Variants in XKR6 observed in about 807,000 individuals in gnomAD.
XKR6 encodes XK-related protein 6.
Under a neutral mutation model 56.7 loss-of-function variants are expected in XKR6, and 22 were observed. That is an observed-to-expected ratio of 0.39 (90% CI 0.28 to 0.55). The LOEUF (loss-of-function observed/expected upper bound fraction) is 0.55. XKR6 is among the 20% of genes least tolerant of loss of function. XKR6 has a pLI of 0.66. For missense variants in XKR6, 852 were observed against 889.0 expected (o/e 0.96, Z 0.53); for synonymous variants, 524 against 387.8 (o/e 1.35, Z -4.13).
intron 1 of XKR6, among the ~76,000 whole-genome samples, chr8:11,173,680 T>A (rs1253078178): frequency 6.6e-6 from 1 of 152,128 alleles, no homozygotes; most frequent in East Asian, 1.9e-4. Context: ...GGAGCAGTTG[T>A]TACTGTGATT....
intron 1 of XKR6, among the ~76,000 whole-genome samples, chr8:11,061,595 GTTCATTCA>G (rs374185850): frequency 6.6e-6 from 1 of 152,006 alleles, no homozygotes; most frequent in Admixed American, 6.6e-5. Context: ...ATGCACATCC[GTTCATTCA>G]TTCATTCATT....
intron 1 of XKR6, among the ~76,000 whole-genome samples, chr8:10,960,918 G>C (rs980908571): frequency 5.3e-5 from 8 of 152,120 alleles, no homozygotes; most frequent in African/African-American, 7.2e-5. Flanking sequence ...CAAACAATAA[G>C]AGCCATGAAT....
chr8:11,151,370 T>A (rs74851993), intron 1 of XKR6, among the ~76,000 whole-genome samples: 8,207 of 152,258 alleles, frequency 0.054, 280 homozygotes, highest in South Asian at 0.11. Flanking sequence ...AATATTTACA[T>A]TTACTTTGGA....
chr8:10,932,074 T>C (rs552366146), intron 1 of XKR6, among the ~76,000 whole-genome samples: 2 of 151,854 alleles, frequency 1.3e-5, no homozygotes, highest in African/African-American at 2.4e-5. Context: ...CAATAGCAAA[T>C]AAACATGGGG....
intron 1 of XKR6, among the ~76,000 whole-genome samples, chr8:11,148,460 T>A (rs767470209): frequency 2.6e-5 from 4 of 152,168 alleles, no homozygotes; most frequent in Non-Finnish European, 5.9e-5. Flanking sequence ...ACTCCAGAAC[T>A]CTGAAGAAAT....
chr8:10,964,323 G>T (rs181673349), intron 1 of XKR6, among the ~76,000 whole-genome samples: 3 of 152,290 alleles, frequency 2.0e-5, no homozygotes, highest in African/African-American at 7.2e-5. Context: ...GCTCAGTTTT[G>T]CAAAATGGAG....
At chr8:10,977,346 C>T (rs745946961) in intron 1 of XKR6, among the ~76,000 whole-genome samples, 19 of 152,084 alleles carry the variant, frequency 1.2e-4, no homozygotes, top group Non-Finnish European at 2.5e-4. Flanking sequence ...CCTCTGGTGG[C>T]CAACTGGAGA....
At chr8:11,085,960 G>C (rs1586524723) in intron 1 of XKR6, among the ~76,000 whole-genome samples, 1 of 152,028 alleles carries the variant, frequency 6.6e-6, no homozygotes, top group Non-Finnish European at 1.5e-5. Flanking sequence ...GATGACTGCT[G>C]TGCTCACTAG....
chr8:11,194,729 C>G (rs1016334801), intron 1 of XKR6: 2 of 173,188 alleles, frequency 1.2e-5, no homozygotes, highest in African/African-American at 4.8e-5. Flanking sequence ...CTGCATAAGC[C>G]TGACTAGGCA....
At chr8:11,010,574 T>A (rs1387785114) in intron 1 of XKR6, among the ~76,000 whole-genome samples, 1 of 152,212 alleles carries the variant, frequency 6.6e-6, no homozygotes, top group Non-Finnish European at 1.5e-5. Flanking sequence ...CATTTGTTTT[T>A]AAAATCCCAA....
chr8:11,067,578 T>G (rs541119089), intron 1 of XKR6, among the ~76,000 whole-genome samples: 2 of 152,354 alleles, frequency 1.3e-5, no homozygotes, highest in Non-Finnish European at 2.9e-5. Flanking sequence ...AGACATTTCT[T>G]GAAAGGTAAA....
intron 1 of XKR6, among the ~76,000 whole-genome samples, chr8:10,970,924 G>T (rs996800236): frequency 6.6e-6 from 1 of 151,630 alleles, no homozygotes; most frequent in African/African-American, 2.4e-5. Context: ...TCTCTCCTAA[G>T]GAGAATCTGA....
chr8:10,990,511 G>A (rs1256642241), intron 1 of XKR6, among the ~76,000 whole-genome samples: 3 of 152,186 alleles, frequency 2.0e-5, no homozygotes, highest in South Asian at 4.1e-4. Context: ...GCCCTGGTGG[G>A]AGCTGTCCAT....
chr8:10,938,068 G>A lies in XKR6; in HGVS notation c.765-13238C>T, dbSNP rs528595778. 3.9e-5 allele frequency among the ~76,000 whole-genome samples: 6 copies of A among 152,310 alleles called. No homozygotes were observed. The South Asian group carries it at 1.2e-3, about 32-fold the overall frequency. On this transcript the variant is annotated intron_variant, in intron 1 of 2. Coordinates refer to ENST00000416569, the MANE Select transcript of XKR6 (RefSeq NM_173683.4). Reference sequence around the variant, plus strand: ...AATCAGCGAGACTCCGTGGGCGTAGGACCCTCCGAGCCAAGTGTGGGATAT... The same window carrying A: ...AATCAGCGAGACTCCGTGGGCGTAGAACCCTCCGAGCCAAGTGTGGGATAT...
chr8:11,029,022 C>T (rs1472596964), intron 1 of XKR6, among the ~76,000 whole-genome samples: 2 of 152,170 alleles, frequency 1.3e-5, no homozygotes, highest in Non-Finnish European at 2.9e-5. Flanking sequence ...GCCTGGAAGT[C>T]ACCCCCACCC....
intron 1 of XKR6, among the ~76,000 whole-genome samples, chr8:11,116,247 G>A (rs1039540213): frequency 7.2e-5 from 11 of 152,140 alleles, no homozygotes; most frequent in Non-Finnish European, 8.8e-5. Context: ...CAGAGAAAAC[G>A]TAACTAATTC....
chr8:11,093,018 T>G (rs1798128801), intron 1 of XKR6, among the ~76,000 whole-genome samples: 3 of 149,670 alleles, frequency 2.0e-5, no homozygotes, highest in Admixed American at 1.3e-4. Flanking sequence ...TTTCTTTCTC[T>G]TTTCTTTTTT....
At chr8:10,984,882 G>T (rs1797825097) in intron 1 of XKR6, among the ~76,000 whole-genome samples, 1 of 151,628 alleles carries the variant, frequency 6.6e-6, no homozygotes, top group Admixed American at 6.6e-5. Context: ...TCTTCTTAAG[G>T]TAATTCATAA....
intron 1 of XKR6, among the ~76,000 whole-genome samples, chr8:10,992,676 T>A (rs1415276659): frequency 1.3e-5 from 2 of 152,152 alleles, no homozygotes; most frequent in African/African-American, 4.8e-5. Context: ...ACCATTGACC[T>A]TGAACAATTC....
Sources: allele counts gnomAD v4.1 joint callset (sites outside exome capture counted in the v4.1 genomes callset), GRCh38; gene constraint gnomAD v4.1.1; transcripts MANE v1.5; gene names NCBI Gene and HGNC (gene_info 2026-07-23, HGNC 2026-07-21).